GLDC: variants seen among roughly 807,000 people sequenced by gnomAD.
The protein encoded by GLDC is glycine decarboxylase.
GLDC carries 104 observed loss-of-function variants against 121.3 expected under a neutral mutation model. That is an observed-to-expected ratio of 0.86 (90% CI 0.73 to 1.01). The LOEUF (loss-of-function observed/expected upper bound fraction) is 1.01. Ranked by LOEUF, GLDC falls within the 50% of genes least tolerant of loss-of-function variation. GLDC has a pLI of 0.00. For synonymous variants in GLDC, 546 were observed against 480.6 expected (o/e 1.14, Z -1.78); for missense variants, 1,429 against 1,306.6 (o/e 1.09, Z -1.44).
At chr9:6,539,914 T>C (rs1817219568) in intron 22 of GLDC, 137 bp downstream of exon 22, 1 of 715,608 alleles carries the variant, frequency 1.4e-6, no homozygotes, top group Non-Finnish European at 2.6e-6. Context: ...TCTATTATTT[T>C]GGAGGTTGCC....
chr9:6,645,194 G>T, intron 1 of GLDC, 51 bp downstream of exon 1: 1 of 1,515,816 alleles, frequency 6.6e-7, no homozygotes, highest in Non-Finnish European at 8.9e-7. Flanking sequence ...CGCAGGCAGA[G>T]CCCGGGCAGG....
chr9:6,533,210 T>C (rs374892231), intron 24 of GLDC, 50 bp from the exon 25 acceptor site: 16 of 1,565,780 alleles, frequency 1.0e-5, no homozygotes, highest in East Asian at 2.2e-5. Flanking sequence ...GGGAGGTTTC[T>C]CTTAGGGCAA....
chr9:6,640,867 A>G (rs1318757587), intron 2 of GLDC, among the ~76,000 whole-genome samples: 2 of 152,202 alleles, frequency 1.3e-5, no homozygotes, highest in African/African-American at 2.4e-5. Flanking sequence ...AAATTCCAAA[A>G]CTGCAAAGTA....
At chr9:6,545,072 C>G (rs554166138) in intron 21 of GLDC, among the ~76,000 whole-genome samples, 3 of 150,580 alleles carry the variant, frequency 2.0e-5, no homozygotes, top group East Asian at 3.9e-4. Context: ...GCAATCCAGT[C>G]TGGGTAACAA....
intron 21 of GLDC, among the ~76,000 whole-genome samples, chr9:6,547,374 T>G (rs372952877): frequency 4.5e-4 from 69 of 152,270 alleles, no homozygotes; most frequent in African/African-American, 1.6e-3. Context: ...AGGGAAACAT[T>G]GAGCGCATTG....
In GLDC at chr9:6,592,155, A is replaced by T; in HGVS notation, c.1470T>A (p.Cys490Ter). Residue 490 changes from cysteine to a stop codon, truncating the protein, a stop_gained, in exon 11 of 25, where the codon TGT becomes TGA. Transcript: ENST00000321612. LOFTEE classifies it high-confidence loss of function. ...TTATTTTACTTACTGCAGATGACTC[A>T]CAACCAAAGATCCACAACAAATCGT... ...DLDDLLWIFG[C>*]ESSAELVAES... The T allele has an allele frequency of 6.3e-7, 1 of 1,595,946 alleles. No individual in the cohort carries two copies. Among genetic ancestry groups the T allele is most frequent in the Non-Finnish European group, 8.6e-7 (1 of 1,163,474 alleles).
intron 17 of GLDC, among the ~76,000 whole-genome samples, chr9:6,556,657 G>C (rs943592753): frequency 5.9e-5 from 9 of 152,240 alleles, no homozygotes; most frequent in Non-Finnish European, 1.3e-4. Context: ...GCCGAGCATG[G>C]TGGCAGGTGC....
intron 15 of GLDC, among the ~76,000 whole-genome samples, chr9:6,586,551 T>C (rs1259448989): frequency 6.6e-6 from 1 of 152,224 alleles, no homozygotes; most frequent in African/African-American, 2.4e-5. Context: ...CAGGTTCTCC[T>C]GGCCCTGCTA....
chr9:6,572,724 T>A (rs908178573), intron 15 of GLDC, among the ~76,000 whole-genome samples: 2 of 152,244 alleles, frequency 1.3e-5, no homozygotes, highest in African/African-American at 4.8e-5. Context: ...CAGCCTTTCT[T>A]GGGTCTTACT....
intron 15 of GLDC, among the ~76,000 whole-genome samples, chr9:6,574,031 T>C (rs1436596874): frequency 6.6e-6 from 1 of 152,236 alleles, no homozygotes; most frequent in Non-Finnish European, 1.5e-5. Context: ...CACTCTGTAA[T>C]GTTCTTACCA....
intron 9 of GLDC, 148 bp from the exon 10 acceptor site, chr9:6,593,138 C>G (rs1818411731): frequency 4.0e-6 from 3 of 741,938 alleles, no homozygotes; most frequent in African/African-American, 3.5e-5. Flanking sequence ...AAAAACTAAA[C>G]ATGTTTATTA....
At chr9:6,605,082 C>A (rs1311896640) in intron 6 of GLDC, 49 bp downstream of exon 6, 5 of 1,520,934 alleles carry the variant, frequency 3.3e-6, no homozygotes, top group Non-Finnish European at 4.6e-6. Context: ...TAGACAGATA[C>A]AAGTTGGGAT....
chr9:6,604,723 A>T lies in GLDC; in HGVS notation c.923T>A (p.Phe308Tyr), dbSNP rs1219376788. Reference sequence around the variant, plus strand: ...GCTGCCCAGGGCGATGTCTACCCCAAATTCTCCAGGTGGCCTCAAGATGCA... The same window carrying T: ...GCTGCCCAGGGCGATGTCTACCCCATATTCTCCAGGTGGCCTCAAGATGCA... ...ALCILRPPGE[F>Y]GVDIALGSSQ... Residue 308 changes from phenylalanine (F) to tyrosine (Y), a missense_variant, in exon 7 of 25, where the codon TTT becomes TAT. Transcript: ENST00000321612. 1 of 1,614,204 alleles carries T rather than the reference A, an allele frequency of 6.2e-7. No homozygotes were observed. The highest frequency in any genetic ancestry group is 8.5e-7 in the Non-Finnish European group (1 of 1,180,020).
chr9:6,626,223 C>G (rs1214346211), intron 2 of GLDC, among the ~76,000 whole-genome samples: 1 of 152,054 alleles, frequency 6.6e-6, no homozygotes. Context: ...GGGTCTGCAG[C>G]AGAGGCCACC....
At chr9:6,585,268 G>A (rs1818245985) in intron 15 of GLDC, among the ~76,000 whole-genome samples, 2 of 152,172 alleles carry the variant, frequency 1.3e-5, no homozygotes, top group African/African-American at 4.8e-5. Flanking sequence ...AATTAAAATA[G>A]TCTTGAAAAA....
At position 6,550,886 on chromosome 9, in the gene GLDC, G is replaced by T. The variant is rs1157800438; in HGVS notation, c.2486C>A (p.Ala829Asp). Reference protein sequence around the residue: ...KMMGGKGLKQATETAILNANY... With the variant: ...KMMGGKGLKQDTETAILNANY... Reference sequence around the variant, plus strand: ...GGCATTTAATATCGCAGTTTCCGTGGCTTGTTTAAGACCCTTGCCTCCCAT... The same window carrying T: ...GGCATTTAATATCGCAGTTTCCGTGTCTTGTTTAAGACCCTTGCCTCCCAT... Residue 829 changes from alanine (A) to aspartate (D), a missense_variant, in exon 21 of 25, where the codon GCC (alanine) becomes GAC (aspartate). Ala to Asp is a moderately radical substitution (Grantham distance 126, BLOSUM62 -2). Coordinates refer to ENST00000321612, the MANE Select transcript of GLDC (RefSeq NM_000170.3). 1 of 1,612,498 alleles carries T rather than the reference G, an allele frequency of 6.2e-7. No homozygotes were observed. The highest frequency in any genetic ancestry group is 1.3e-5 in the African/African-American group (1 of 74,870).
intron 9 of GLDC, 67 bp from the exon 10 acceptor site, chr9:6,593,057 C>T: frequency 7.8e-6 from 12 of 1,539,004 alleles, no homozygotes; most frequent in Non-Finnish European, 9.9e-6. Flanking sequence ...TGACATGTCA[C>T]AGAATAATAA....
chr9:6,623,925 G>A (rs552201451), intron 2 of GLDC, among the ~76,000 whole-genome samples: 156 of 152,320 alleles, frequency 1.0e-3, no homozygotes, highest in Non-Finnish European at 1.6e-3. Flanking sequence ...CCTTGTAGGC[G>A]AGTCCGGCTT....
chr9:6,605,679 T>C (rs866715470), intron 5 of GLDC, among the ~76,000 whole-genome samples: 1 of 152,226 alleles, frequency 6.6e-6, no homozygotes, highest in Non-Finnish European at 1.5e-5. Context: ...CTTAGATTCC[T>C]GAACTAATAA....
Sources: gnomAD v4.1 joint callset for allele counts (sites outside exome capture counted in the v4.1 genomes callset) on GRCh38, gnomAD v4.1.1 for gene constraint, MANE v1.5 for transcripts, NCBI Gene and HGNC (gene_info 2026-07-23, HGNC 2026-07-21) for gene names.